Variants in ABCB4 observed in about 807,000 individuals in gnomAD.
The protein encoded by ABCB4 is ATP binding cassette subfamily B member 4.
In ABCB4, 76 loss-of-function variants were observed where a neutral mutation model predicts 145.7. The observed-to-expected ratio is 0.52, with a 90% CI of 0.43 to 0.63. The LOEUF (loss-of-function observed/expected upper bound fraction) is 0.63, where lower values mean the gene tolerates loss of function less well. ABCB4 is among the 30% of genes least tolerant of loss of function. The pLI is 0.00. For missense variants in ABCB4, 1,234 were observed against 1,553.1 expected (o/e 0.79, Z 3.45); for synonymous variants, 517 against 566.8 (o/e 0.91, Z 1.25).
At chr7:87,392,826 A>AAT in the ABCB4 span, 1 of 1,612,670 alleles carries the variant, frequency 6.2e-7, no homozygotes, top group Non-Finnish European at 8.5e-7. Context: ...TCCAAAAGGT[A>AAT]ATATAGTGTA....
intron 14 of ABCB4, among the ~76,000 whole-genome samples, chr7:87,434,095 ATTTTTT>A (rs756063095): frequency 2.5e-5 from 3 of 118,066 alleles, no homozygotes; most frequent in African/African-American, 9.6e-5. Context: ...CACCTGGCTA[ATTTTTT>A]TTTTTTTTTT....
At chr7:87,368,122 C>T in the ABCB4 span, among the ~76,000 whole-genome samples, 1 of 152,286 alleles carries the variant, frequency 6.6e-6, no homozygotes, top group East Asian at 1.9e-4. Context: ...TTCCTTTAAG[C>T]AGATCAACTC....
At chr7:87,458,241 A>G (rs1812226917) in intron 4 of ABCB4, among the ~76,000 whole-genome samples, 2 of 152,212 alleles carry the variant, frequency 1.3e-5, no homozygotes, top group African/African-American at 4.8e-5. Flanking sequence ...CACTCTGCAG[A>G]AAAACTGTTT....
chr7:87,400,190 C>T (rs1444675434), downstream of ABCB4, among the ~76,000 whole-genome samples: 1 of 152,112 alleles, frequency 6.6e-6, no homozygotes, highest in Non-Finnish European at 1.5e-5. Flanking sequence ...TAAACCAAGT[C>T]ACAAGAGAAG....
downstream of ABCB4, among the ~76,000 whole-genome samples, chr7:87,399,952 C>T (rs938423599): frequency 3.9e-5 from 6 of 152,126 alleles, no homozygotes; most frequent in Non-Finnish European, 7.4e-5. Context: ...TTTATTTGTA[C>T]AGCTATAATC....
chr7:87,404,455 G>A (rs1258879441), intron 26 of ABCB4, among the ~76,000 whole-genome samples: 1 of 152,086 alleles, frequency 6.6e-6, no homozygotes, highest in African/African-American at 2.4e-5. Flanking sequence ...CTAGGGCTAG[G>A]CAACGAGTTC....
intron 23 of ABCB4, 58 bp from the exon 24 acceptor site, chr7:87,409,450 G>C: frequency 6.4e-7 from 1 of 1,574,204 alleles, no homozygotes; most frequent in Non-Finnish European, 8.7e-7. Flanking sequence ...CATGATGTTT[G>C]AAAGTCTAAA....
At chr7:87,464,177 C>A (rs953089081) in intron 3 of ABCB4, among the ~76,000 whole-genome samples, 1 of 152,128 alleles carries the variant, frequency 6.6e-6, no homozygotes, top group Non-Finnish European at 1.5e-5. Flanking sequence ...GGTCAATAAC[C>A]CGGGTGAGGC....
At chr7:87,458,716 C>A (rs1812262870) in intron 4 of ABCB4, among the ~76,000 whole-genome samples, 2 of 152,100 alleles carry the variant, frequency 1.3e-5, no homozygotes, top group African/African-American at 4.8e-5. Flanking sequence ...GCTGGAAATT[C>A]ATAACATTTG....
At chr7:87,462,671 T>C (rs1298387484) in intron 4 of ABCB4, 87 bp downstream of exon 4, 4 of 1,210,668 alleles carry the variant, frequency 3.3e-6, no homozygotes, top group Non-Finnish European at 4.9e-6. Context: ...TTAAATAAGA[T>C]GGTAATGAAT....
chr7:87,440,020 A>G (rs1584741203), intron 13 of ABCB4, among the ~76,000 whole-genome samples, 179 bp downstream of exon 13: 2 of 152,266 alleles, frequency 1.3e-5, no homozygotes, highest in African/African-American at 4.8e-5. Context: ...AAAATTTTAT[A>G]TTAATCATCT....
At chr7:87,463,223 G>A (rs886076316) in intron 3 of ABCB4, among the ~76,000 whole-genome samples, 2 of 148,920 alleles carry the variant, frequency 1.3e-5, no homozygotes, top group African/African-American at 5.1e-5. Context: ...ATAAAGAACG[G>A]CTAGGGAAAG....
intron 5 of ABCB4, among the ~76,000 whole-genome samples, chr7:87,454,153 C>T (rs1256737968): frequency 1.3e-5 from 2 of 152,156 alleles, no homozygotes; most frequent in Non-Finnish European, 2.9e-5. Flanking sequence ...CACTGCTATG[C>T]AGACATACAA....
chr7:87,472,342 C>G (rs1204007471), intron 3 of ABCB4, among the ~76,000 whole-genome samples: 1 of 152,104 alleles, frequency 6.6e-6, no homozygotes, highest in East Asian at 1.9e-4. Context: ...TCCCAAGTAG[C>G]TGGGACTACA....
chr7:87,403,274 T>C lies in ABCB4; in HGVS notation c.3494A>G (p.Glu1165Gly), dbSNP rs1221694331. The change falls in exon 27 of 28, where the codon GAA (glutamate) becomes GGA (glycine). Residue 1165 changes from glutamate to glycine, a missense_variant. This residue lies in a region of ABCB4 where 301 missense variants were observed against 389.0 expected (regional missense o/e 0.77). Coordinates refer to ENST00000649586, the MANE Select transcript of ABCB4 (RefSeq NM_000443.4). ...AGTCCCCTTATCTCCCACTCTTGTT[T>C]CATATTTCTGCAAGTTAACCAAATT... ...PFIETLPHKY[E>G]TRVGDKGTQL... 6.2e-7 allele frequency: 1 copy of C among 1,613,852 alleles called. No homozygotes were observed. Among genetic ancestry groups the C allele is most frequent in the Non-Finnish European group, 8.5e-7 (1 of 1,179,758 alleles).
chr7:87,453,914 T>A (rs1368663992), intron 5 of ABCB4, among the ~76,000 whole-genome samples: 6 of 148,884 alleles, frequency 4.0e-5, no homozygotes, highest in Non-Finnish European at 9.0e-5. Flanking sequence ...CAAAAAACTT[T>A]GTTCCTATTT....
Position 87,458,965 on chromosome 7 carries a change from A to C in ABCB4, c.286+3793T>G, listed in dbSNP as rs561674738. Among the ~76,000 whole-genome samples, 423 of 149,946 alleles carry C rather than the reference A, an allele frequency of 2.8e-3. 1 individual carries two copies. Among genetic ancestry groups the C allele is most frequent in the Non-Finnish European group, 4.7e-3 (318 of 67,808 alleles). On this transcript the variant is annotated intron_variant, in intron 4 of 27. Coordinates refer to ENST00000649586, the MANE Select transcript of ABCB4 (RefSeq NM_000443.4). ...TGCCATGTCCAGCTTAAAGCCATTC[A>C]GTTTCATAATTAGGCACAAGTTAAA...
chr7:87,389,807 T>C, the ABCB4 span, among the ~76,000 whole-genome samples: 1 of 112,946 alleles, frequency 8.9e-6, no homozygotes, highest in Non-Finnish European at 2.1e-5. Context: ...AATAGATGTT[T>C]TTTAAATCCA....
At chr7:87,441,580 C>CTT (rs879830156) in intron 12 of ABCB4, among the ~76,000 whole-genome samples, 11 of 144,336 alleles carry the variant, frequency 7.6e-5, no homozygotes, top group African/African-American at 2.0e-4. Context: ...TATTTTTGTC[C>CTT]TTTTTTTTTT....
Sources: gnomAD v4.1 joint callset for allele counts (sites outside exome capture counted in the v4.1 genomes callset) on GRCh38, gnomAD v4.1.1 for gene constraint, gnomAD v4.1.1 regional missense constraint, MANE v1.5 for transcripts, NCBI Gene and HGNC (gene_info 2026-07-23, HGNC 2026-07-21) for gene names.